The following THSD7B variants were observed in gnomAD, a reference collection of about 807,000 sequenced individuals.
THSD7B encodes the protein thrombospondin type-1 domain-containing protein 7B.
A neutral mutation model predicts 213.6 loss-of-function variants in THSD7B; 138 were observed. The ratio of observed to expected loss-of-function variants is 0.65; its 90% CI spans 0.56 to 0.74. The LOEUF (loss-of-function observed/expected upper bound fraction) is 0.74. Among genes scored for constraint, THSD7B ranks in the 30% least tolerant of loss-of-function variants. The probability of loss-of-function intolerance (pLI) is 0.00; values close to 1 mark genes in which losing one functional copy is unlikely to be tolerated. For missense variants in THSD7B, 1,931 were observed against 1,991.5 expected (o/e 0.97, Z 0.58); for synonymous variants, 742 against 687.0 (o/e 1.08, Z -1.25).
chr2:136,879,021 G>T (rs954961792), intron 1 of THSD7B, among the ~76,000 whole-genome samples: 2 of 152,126 alleles, frequency 1.3e-5, no homozygotes, highest in African/African-American at 4.8e-5. Flanking sequence ...TATTGCCTGG[G>T]TTTTCTTCTA....
At chr2:137,286,454 A>G (rs62171119) in intron 12 of THSD7B, among the ~76,000 whole-genome samples, 1,680 of 152,256 alleles carry the variant, frequency 0.011, 24 homozygotes, top group Middle Eastern at 0.024. Flanking sequence ...GATGCCAGGT[A>G]TCCTTGTATT....
chr2:137,189,077 T>C (rs148961912), intron 7 of THSD7B, among the ~76,000 whole-genome samples: 1 of 152,322 alleles, frequency 6.6e-6, no homozygotes, highest in East Asian at 1.9e-4. Flanking sequence ...TGTTTTTCTC[T>C]TGGCCACATT....
intron 12 of THSD7B, among the ~76,000 whole-genome samples, chr2:137,297,161 T>A (rs977593748): frequency 6.7e-6 from 1 of 148,484 alleles, no homozygotes; most frequent in African/African-American, 2.5e-5. Context: ...CTTGCACCTG[T>A]AGTGCCATCT....
At position 137,454,978 on chromosome 2, in the gene THSD7B, A is replaced by AT. The variant is rs1687735374; in HGVS notation, c.3138+3956dup. On this transcript the variant is annotated intron_variant, in intron 15 of 27. Coordinates refer to ENST00000409968, the MANE Select transcript of THSD7B (RefSeq NM_001316349.2). Reference sequence around the variant, plus strand: ...TATTTGGGCATGAGGAGGATACATTATGTGTCAGATTGAACCTAACATACT... The same window carrying AT: ...TATTTGGGCATGAGGAGGATACATTATTGTGTCAGATTGAACCTAACATACT... Among the ~76,000 whole-genome samples, 3 of 144,762 alleles carry AT rather than the reference A, an allele frequency of 2.1e-5. No homozygotes were observed. The South Asian group carries it at 7.0e-4, about 34-fold the overall frequency. 95.0% of individuals were successfully genotyped at this position (144,762 alleles called of 152,430 possible).
intron 1 of THSD7B, among the ~76,000 whole-genome samples, chr2:136,879,927 T>C (rs922705563): frequency 1.3e-5 from 2 of 152,038 alleles, no homozygotes; most frequent in East Asian, 3.9e-4. Flanking sequence ...TATTCTAAAT[T>C]TATATGCACC....
At chr2:136,847,508 A>T (rs1056115826) in intron 1 of THSD7B, among the ~76,000 whole-genome samples, 8 of 152,158 alleles carry the variant, frequency 5.3e-5, no homozygotes, top group African/African-American at 1.7e-4. Context: ...GCTTTCTGAT[A>T]AAGTCCTTAG....
chr2:137,225,145 A>C (rs537300202), intron 7 of THSD7B, among the ~76,000 whole-genome samples: 5 of 152,336 alleles, frequency 3.3e-5, no homozygotes, highest in African/African-American at 1.2e-4. Context: ...TTAGCTCATC[A>C]TACATTGTAC....
intron 12 of THSD7B, among the ~76,000 whole-genome samples, chr2:137,290,955 A>G (rs1683322334): frequency 6.6e-6 from 1 of 152,098 alleles, no homozygotes; most frequent in Non-Finnish European, 1.5e-5. Context: ...CATCACACTT[A>G]TGAAGCCAAG....
At chr2:137,148,184 C>T (rs1173398644) in intron 5 of THSD7B, among the ~76,000 whole-genome samples, 1 of 152,098 alleles carries the variant, frequency 6.6e-6, no homozygotes, top group African/African-American at 2.4e-5. Flanking sequence ...GGACTTTTCC[C>T]CCTCTCTGCT....
At chr2:137,007,481 G>A (rs1183857123) in intron 2 of THSD7B, among the ~76,000 whole-genome samples, 1 of 152,160 alleles carries the variant, frequency 6.6e-6, no homozygotes, top group Non-Finnish European at 1.5e-5. Flanking sequence ...GACTAGAGGT[G>A]TCCAGTTTAA....
chr2:137,372,275 C>T (rs1685549234), intron 12 of THSD7B, among the ~76,000 whole-genome samples: 1 of 150,830 alleles, frequency 6.6e-6, no homozygotes, highest in Non-Finnish European at 1.5e-5. Flanking sequence ...TAGGTAATCC[C>T]CTCAGCTATG....
At chr2:137,652,897 ATAT>A (rs1274618320) in intron 21 of THSD7B, among the ~76,000 whole-genome samples, 1 of 152,126 alleles carries the variant, frequency 6.6e-6, no homozygotes, top group Non-Finnish European at 1.5e-5. Context: ...ACATATTTTT[ATAT>A]TATCATTCTT....
At chr2:137,329,265 C>T (rs1684439418) in intron 12 of THSD7B, among the ~76,000 whole-genome samples, 1 of 152,160 alleles carries the variant, frequency 6.6e-6, no homozygotes, top group Non-Finnish European at 1.5e-5. Context: ...GTAAAGGTCA[C>T]TCTTGTTATG....
intron 12 of THSD7B, among the ~76,000 whole-genome samples, chr2:137,404,537 TAC>T (rs1263085221): frequency 7.8e-6 from 1 of 128,974 alleles, no homozygotes; most frequent in Non-Finnish European, 1.7e-5. Context: ...AATATATATA[TAC>T]ACACATACTA....
In THSD7B at chr2:137,056,665, G is replaced by C. The variant is rs1265577410; in HGVS notation, c.385G>C (p.Ala129Pro). The change falls in exon 3 of 28, where the codon GCA becomes CCA. Residue 129 changes from alanine (A) to proline (P), a missense_variant. By Grantham distance (27) the Ala-to-Pro change is conservative (BLOSUM62 -1). Coordinates refer to ENST00000409968, the MANE Select transcript of THSD7B (RefSeq NM_001316349.2). ...TCGCGGTGAAGTCAAGCCTCGGACT[G>C]CAGAGTGTGTGACGGCTCAGCATGG... ...YARGEVKPRT[A>P]ECVTAQHGLQ... 2 of 1,614,012 alleles carry C rather than the reference G, an allele frequency of 1.2e-6. No individual in the cohort carries two copies. Among genetic ancestry groups the C allele is most frequent in the Non-Finnish European group, 8.5e-7 (1 of 1,179,896 alleles).
At chr2:137,017,684 A>G (rs1264352727) in intron 2 of THSD7B, among the ~76,000 whole-genome samples, 1 of 152,178 alleles carries the variant, frequency 6.6e-6, no homozygotes, top group Non-Finnish European at 1.5e-5. Flanking sequence ...TCTGTCACTC[A>G]TACAGGCTTC....
intron 1 of THSD7B, among the ~76,000 whole-genome samples, chr2:136,809,284 T>G (rs1246823882): frequency 6.6e-6 from 1 of 152,026 alleles, no homozygotes; most frequent in African/African-American, 2.4e-5. Context: ...GATGAGCCAG[T>G]CAGATGTCCT....
At chr2:137,163,301 T>C (rs1478728860) in intron 6 of THSD7B, among the ~76,000 whole-genome samples, 1 of 152,054 alleles carries the variant, frequency 6.6e-6, no homozygotes, top group East Asian at 1.9e-4. Flanking sequence ...CTGGTACATA[T>C]GAGTAGGATG....
At chr2:137,490,257 C>T (rs1688574863) in intron 15 of THSD7B, among the ~76,000 whole-genome samples, 1 of 152,088 alleles carries the variant, frequency 6.6e-6, no homozygotes, top group Non-Finnish European at 1.5e-5. Flanking sequence ...CTCTTCAGAA[C>T]TTTCTTTTTG....
Sources: gnomAD v4.1 joint callset for allele counts (sites outside exome capture counted in the v4.1 genomes callset) on GRCh38, gnomAD v4.1.1 for gene constraint, MANE v1.5 for transcripts, NCBI Gene and HGNC (gene_info 2026-07-23, HGNC 2026-07-21) for gene names.